Variants in ST3GAL3 observed in about 807,000 individuals in gnomAD.
ST3GAL3 encodes the protein CMP-N-acetylneuraminate-beta-1,4-galactoside alpha-2,3-sialyltransferase.
ST3GAL3 carries 21 observed loss-of-function variants against 50.1 expected under a neutral mutation model. The ratio of observed to expected loss-of-function variants is 0.42; its 90% confidence interval spans 0.30 to 0.60. The LOEUF (loss-of-function observed/expected upper bound fraction) is 0.60. ST3GAL3 is among the 20% of genes least tolerant of loss of function. The pLI is 0.19. For missense variants in ST3GAL3, 353 were observed against 489.4 expected, an observed-to-expected ratio of 0.72 and a Z score of 2.63; for synonymous variants, 183 against 190.0, an observed-to-expected ratio of 0.96 and a Z score of 0.30.
chr1:43,777,234 A>G (rs989450695), intron 2 of ST3GAL3, among the ~76,000 whole-genome samples: 10 of 152,226 alleles, frequency 6.6e-5, no homozygotes, highest in African/African-American at 2.4e-4. Flanking sequence ...TCACATTAAC[A>G]ATAATTCCTT....
chr1:43,731,801 T>G lies in ST3GAL3; in HGVS notation c.-30-4432T>G, dbSNP rs185645269. ...CCCACCTTGGCCTCCCAAAGTACTG[T>G]GATTACAGGCATGAGCCACTATGCC... On this transcript the variant is annotated intron_variant, in intron 1 of 11. Coordinates refer to ENST00000347631, the MANE Select transcript of ST3GAL3 (RefSeq NM_006279.5). Among the ~76,000 whole-genome samples, 14 of 152,012 alleles carry G rather than the reference T, an allele frequency of 9.2e-5. No homozygotes were observed. In the East Asian group the frequency reaches 2.7e-3, roughly 30 times the overall value.
At chr1:43,814,749 T>C in intron 3 of ST3GAL3, 142 bp from the exon 4 acceptor site, 1 of 825,904 alleles carries the variant, frequency 1.2e-6, no homozygotes, top group Non-Finnish European at 2.2e-6. Flanking sequence ...GTGGTTTATG[T>C]ATTTAGTTAC....
intron 2 of ST3GAL3, chr1:43,772,003 A>C (rs1368508157): frequency 2.5e-6 from 1 of 396,850 alleles, no homozygotes. Flanking sequence ...AACTGACTTG[A>C]AACTGAGCGT....
intron 9 of ST3GAL3, among the ~76,000 whole-genome samples, chr1:43,917,510 A>ATAATATATT (rs1259045769): frequency 4.3e-5 from 3 of 70,056 alleles, no homozygotes; most frequent in African/African-American, 1.6e-4. Flanking sequence ...TATATTATAT[A>ATAATATATT]ATATAATATA....
At chr1:43,729,463 T>C (rs1674639116) in intron 1 of ST3GAL3, among the ~76,000 whole-genome samples, 1 of 152,238 alleles carries the variant, frequency 6.6e-6, no homozygotes, top group Non-Finnish European at 1.5e-5. Flanking sequence ...TCCCTTTCCA[T>C]ATTTGTAACT....
At chr1:43,861,894 G>A (rs2070035916) in intron 5 of ST3GAL3, among the ~76,000 whole-genome samples, 1 of 152,174 alleles carries the variant, frequency 6.6e-6, no homozygotes, top group Admixed American at 6.5e-5. Context: ...CGGGCGTGTT[G>A]GCACATGCAT....
chr1:43,768,639 C>G (rs2154130026), intron 2 of ST3GAL3, among the ~76,000 whole-genome samples: 1 of 152,168 alleles, frequency 6.6e-6, no homozygotes, highest in Non-Finnish European at 1.5e-5. Context: ...GCCAAAAGTC[C>G]TGAGAATTTT....
At chr1:43,828,238 A>G (rs540967809) in intron 4 of ST3GAL3, among the ~76,000 whole-genome samples, 10 of 152,332 alleles carry the variant, frequency 6.6e-5, no homozygotes, top group Non-Finnish European at 1.3e-4. Flanking sequence ...ACCTTTCACA[A>G]AAATTAACTC....
At chr1:43,785,392 C>T (rs1572827935) in intron 2 of ST3GAL3, among the ~76,000 whole-genome samples, 1 of 152,292 alleles carries the variant, frequency 6.6e-6, no homozygotes, top group East Asian at 1.9e-4. Flanking sequence ...AGGTAGAGGC[C>T]TGGATGGTGC....
At chr1:43,891,074 A>G (rs997853010) in intron 5 of ST3GAL3, among the ~76,000 whole-genome samples, 8 of 152,222 alleles carry the variant, frequency 5.3e-5, no homozygotes, top group Admixed American at 2.0e-4. Flanking sequence ...TGTAAATACC[A>G]TTACCAATTA....
At chr1:43,731,635 G>C (rs1275789050) in intron 1 of ST3GAL3, among the ~76,000 whole-genome samples, 1 of 148,200 alleles carries the variant, frequency 6.7e-6, no homozygotes, top group Non-Finnish European at 1.5e-5. Context: ...TTGACCTCGT[G>C]ATCCGCCCAC....
chr1:43,901,241 C>T (rs1415689513), intron 9 of ST3GAL3, among the ~76,000 whole-genome samples: 7 of 152,240 alleles, frequency 4.6e-5, no homozygotes, highest in African/African-American at 1.7e-4. Context: ...ATCGTTTCCT[C>T]TGCCCATGGG....
intron 2 of ST3GAL3, among the ~76,000 whole-genome samples, chr1:43,750,897 A>G (rs1434809084): frequency 6.6e-6 from 1 of 152,112 alleles, no homozygotes; most frequent in Non-Finnish European, 1.5e-5. Flanking sequence ...AAAAAAAGCT[A>G]TCTTTTATTA....
intron 2 of ST3GAL3, among the ~76,000 whole-genome samples, chr1:43,761,848 G>A (rs2154121929): frequency 6.6e-6 from 1 of 151,510 alleles, no homozygotes; most frequent in African/African-American, 2.4e-5. Context: ...CTACTCGGGA[G>A]GCTGGGGCAG....
At chr1:43,917,528 T>TATAA (rs1206847954) in intron 9 of ST3GAL3, among the ~76,000 whole-genome samples, 1 of 68,530 alleles carries the variant, frequency 1.5e-5, no homozygotes, top group Non-Finnish European at 2.7e-5. Flanking sequence ...ATATATTATA[T>TATAA]TATATAATAT....
intron 5 of ST3GAL3, among the ~76,000 whole-genome samples, chr1:43,860,043 G>A (rs1166102628): frequency 1.3e-5 from 2 of 152,052 alleles, no homozygotes; most frequent in African/African-American, 2.4e-5. Flanking sequence ...CACACACAGG[G>A]GTCCCTGATA....
At position 43,899,781 on chromosome 1, in the gene ST3GAL3, C is replaced by G. The variant is rs1438119565; in HGVS notation, c.744+54C>G. 3.3e-6 allele frequency: 5 copies of G among 1,511,246 alleles called. No individual in the cohort carries two copies. Among genetic ancestry groups the G allele is most frequent in the Non-Finnish European group, 4.6e-6 (5 of 1,088,118 alleles). The allele number at this position is 1,511,246 out of a possible 1,614,324, so 93.6% of individuals were successfully genotyped here. On this transcript the variant is annotated intron_variant, in intron 9 of 11. Transcript: ENST00000347631. The surrounding 1 kb of genome is among the most constrained non-coding windows in gnomAD (Gnocchi z 5.4). ...CCTCTTGCCCTGGGCTTCCGCAACT[C>G]CTAAGCAATCCCGCCCCTTGAATGC... is the stretch of plus-strand genomic sequence containing the variant.
At chr1:43,789,243 A>G (rs2057741308) in intron 2 of ST3GAL3, among the ~76,000 whole-genome samples, 1 of 152,170 alleles carries the variant, frequency 6.6e-6, no homozygotes, top group African/African-American at 2.4e-5. Context: ...TTTGGGGGCA[A>G]TAAGAGCAGT....
chr1:43,718,067 T>G (rs1272404412), intron 1 of ST3GAL3, among the ~76,000 whole-genome samples: 1 of 151,626 alleles, frequency 6.6e-6, no homozygotes, highest in Middle Eastern at 3.2e-3. Context: ...GAGACAGGGT[T>G]TCTCCATGTT....
Sources: gnomAD v4.1 joint callset for allele counts (sites outside exome capture counted in the v4.1 genomes callset) on GRCh38, gnomAD v4.1.1 for gene constraint, Gnocchi (gnomAD v3.1) non-coding constraint, MANE v1.5 for transcripts, NCBI Gene and HGNC (gene_info 2026-07-23, HGNC 2026-07-21) for gene names.